Variants in CAPN12 observed in about 807,000 individuals in gnomAD.
CAPN12 encodes calpain 12.
In CAPN12, 107 loss-of-function variants were observed where a neutral mutation model predicts 95.0. The ratio of observed to expected loss-of-function variants is 1.13; its 90% CI spans 0.96 to 1.32. The LOEUF (loss-of-function observed/expected upper bound fraction) is 1.32, where lower values mean the gene tolerates loss of function less well. Ranked by LOEUF, CAPN12 falls within the 40% of genes most tolerant of loss-of-function variation. The pLI, the probability that CAPN12 is intolerant of heterozygous loss-of-function variation, is 0.00. For synonymous variants in CAPN12, 505 were observed against 415.5 expected (o/e 1.22, Z -2.62); for missense variants, 1,136 against 997.8 (o/e 1.14, Z -1.87).
chr19:38,743,206 G>T, intron 1 of CAPN12, 104 bp from the exon 2 acceptor site: 1 of 1,361,118 alleles, frequency 7.3e-7, no homozygotes, highest in Non-Finnish European at 1.0e-6. Flanking sequence ...GGAAGCCTGT[G>T]GGCAGGAGCA....
At position 38,743,107 on chromosome 19, in the gene CAPN12, G is replaced by C; in HGVS notation, c.238-5C>G. Reference sequence around the variant, plus strand: ...CTTCGGCTCAGCACAGAACTCCTGTGGGTGGTGGGGGATTCCAGGCCTCAG... The same window carrying C: ...CTTCGGCTCAGCACAGAACTCCTGTCGGTGGTGGGGGATTCCAGGCCTCAG... On this transcript the variant is annotated splice_region_variant and splice_polypyrimidine_tract_variant and intron_variant, in intron 1 of 20. Coordinates refer to ENST00000328867, the MANE Select transcript of CAPN12 (RefSeq NM_144691.4). 6.2e-7 allele frequency: 1 copy of C among 1,614,038 alleles called. No homozygotes were observed. Among genetic ancestry groups the C allele is most frequent in the Non-Finnish European group, 8.5e-7 (1 of 1,179,948 alleles).
chr19:38,738,627 T>G lies in CAPN12; in HGVS notation c.751A>C (p.Thr251Pro), dbSNP rs1332799757. ...TALSDRGEYR[T>P]EEGLVKGHAY... ...TGTCCCTTTACCAGGCCCTCTTCTG[T>G]GCGGTACTCACCCCGATCACTCTGG... The change falls in exon 6 of 21, where the codon ACA becomes CCA. Residue 251 changes from threonine to proline, a missense_variant. By Grantham distance (38) the Thr-to-Pro change is conservative. Coordinates refer to ENST00000328867, the MANE Select transcript of CAPN12 (RefSeq NM_144691.4). The G allele has an allele frequency of 2.5e-6, 4 of 1,613,838 alleles. No individual in the cohort carries two copies. In the Admixed American group the frequency reaches 6.7e-5, roughly 27 times the overall value.
In CAPN12 at chr19:38,730,728, G is replaced by A; in HGVS notation, c.*124C>T. The A allele has an allele frequency of 4.8e-6, 6 of 1,251,582 alleles. No individual in the cohort carries two copies. In the East Asian group the frequency reaches 1.5e-4, roughly 32 times the overall value. 77.5% of individuals were successfully genotyped at this position (1,251,582 alleles called of 1,614,324 possible). On this transcript the variant is annotated 3_prime_UTR_variant, in exon 21 of 21. Coordinates refer to ENST00000328867, the MANE Select transcript of CAPN12 (RefSeq NM_144691.4). ...TGGTCACCCGGCCGTGAGCAGTGAG[G>A]GCCAGAGACTAGCCCCAGACAGGTG...
At chr19:38,734,081 C>G (rs528745801) in intron 17 of CAPN12, 61 bp downstream of exon 17, 65 of 1,585,724 alleles carry the variant, frequency 4.1e-5, no homozygotes, top group Non-Finnish European at 5.4e-5. Context: ...CACAGGGTGC[C>G]TATGTCTCTG....
chr19:38,738,239 C>A (rs1440304791), intron 8 of CAPN12, 34 bp downstream of exon 8: 1 of 1,611,140 alleles, frequency 6.2e-7, no homozygotes, highest in Admixed American at 1.7e-5. Flanking sequence ...CAGAGACCCT[C>A]CCAGAGGCAG....
rs768835237 is a variant in CAPN12 at position 38,744,473 on chromosome 19, G to C, written c.-308C>G. The C allele has an allele frequency of 2.1e-6, 1 of 468,980 alleles. No individual in the cohort carries two copies. Among genetic ancestry groups the C allele is most frequent in the Non-Finnish European group, 3.9e-6 (1 of 254,754 alleles). 29.1% of individuals were successfully genotyped at this position (468,980 alleles called of 1,614,324 possible). On this transcript the variant is annotated 5_prime_UTR_variant, in exon 1 of 21. Transcript: ENST00000328867. ...TGTCAGAGCACCAAGAAGGAGGTCA[G>C]TGTGGGGGTGAGCTTCTGCCTACTT...
rs780480800 is a variant in CAPN12, at chr19:38,744,058, C to T, written c.108G>A (p.Arg36=). The change falls in exon 1 of 21, where the codon CGG becomes CGA. Residue 36 remains arginine (R), a synonymous_variant. Transcript: ENST00000328867. ...GGATCCCCGAATCCAGGCAGGCTGC[C>T]CGAATTGCCTCATAGCTCTGGCCCC... ...LFRGQSYEAI[R]AACLDSGILF... is the part of the protein sequence containing the mutation. The T allele has an allele frequency of 1.9e-6, 3 of 1,614,198 alleles. No individual in the cohort carries two copies. Among genetic ancestry groups the T allele is most frequent in the Admixed American group, 1.7e-5 (1 of 60,024 alleles).
rs1568794870 is a variant in CAPN12, at chr19:38,740,219, CCTGTGGGGG to C, written c.561-9_561-1del. 2 of 1,600,312 alleles carry C rather than the reference CCTGTGGGGG, an allele frequency of 1.2e-6. No homozygotes were observed. The highest frequency in any genetic ancestry group is 2.3e-5 in the East Asian group (1 of 44,146). ...GCATCACCTCATAGGAGCCGTGGAG[CCTGTGGGGG>C]CAGATCTGGGGTGAGGGTTGAGGCA... On this transcript the variant is annotated splice_acceptor_variant and splice_polypyrimidine_tract_variant and intron_variant, in intron 4 of 20. Coordinates refer to ENST00000328867, the MANE Select transcript of CAPN12 (RefSeq NM_144691.4). LOFTEE classifies it high-confidence loss of function.
chr19:38,740,094 C>A lies in CAPN12; in HGVS notation c.686G>T (p.Arg229Leu). The change falls in exon 5 of 21, where the codon CGC becomes CTC. Residue 229 changes from arginine to leucine, a missense_variant. Coordinates refer to ENST00000328867, the MANE Select transcript of CAPN12 (RefSeq NM_144691.4). ...QNSMGLFSAL[R>L]HALAKESLVG... ...GAGGGACTCCTTGGCCAGGGCATGG[C>A]GCAGGGCAGAGAACAGCCCCATGCT... 1 of 1,611,886 alleles carries A rather than the reference C, an allele frequency of 6.2e-7. No individual in the cohort carries two copies. Among genetic ancestry groups the A allele is most frequent in the South Asian group, 1.1e-5 (1 of 90,848 alleles).
rs906099398 is a variant in CAPN12 at position 38,730,959 on chromosome 19, G to T, written c.2133+6C>A. 9 of 1,550,486 alleles carry T rather than the reference G, an allele frequency of 5.8e-6. No homozygotes were observed. In the African/African-American group the frequency reaches 1.2e-4, roughly 21 times the overall value. ...TGAGCCACCCTGTCCCTCCCACCTG[G>T]CTCACCTGTCTGTGGGTCAGGCAGA... On this transcript the variant is annotated splice_donor_region_variant and intron_variant, in intron 20 of 20. Coordinates refer to ENST00000328867, the MANE Select transcript of CAPN12 (RefSeq NM_144691.4).
intron 14 of CAPN12, chr19:38,735,167 G>A: frequency 4.9e-6 from 3 of 611,530 alleles, no homozygotes; most frequent in East Asian, 2.8e-5. Flanking sequence ...GGAGAGGGTG[G>A]TCCTGGGAGA....
In CAPN12 at chr19:38,737,337, T is replaced by C; in HGVS notation, c.1181A>G (p.Glu394Gly). Residue 394 changes from glutamate (E) to glycine (G), a missense_variant, in exon 10 of 21, where the codon GAG becomes GGG. Transcript: ENST00000328867. ...CCCTTCCTCATCCTCGTCATCCTCC[T>C]CATCAGGCTCCAGCAGCGTTAAACG... ...QFRLTLLEPDEEDDEDEEGPW... is the reference protein window; with the variant it reads ...QFRLTLLEPDGEDDEDEEGPW... 1 of 1,439,330 alleles carries C rather than the reference T, an allele frequency of 6.9e-7. No homozygotes were observed. The highest frequency in any genetic ancestry group is 9.2e-7 in the Non-Finnish European group (1 of 1,083,964). The allele number at this position is 1,439,330 out of a possible 1,614,324, so 89.2% of individuals were successfully genotyped here. A position where few individuals can be genotyped will look rare whatever the true frequency, so the allele number is the denominator to read the frequency against.
Position 38,741,893 on chromosome 19 carries a change from G to T in CAPN12, c.444C>A (p.Arg148=). The T allele has an allele frequency of 6.2e-7, 1 of 1,614,000 alleles. No homozygotes were observed. ...VFHFQLWQFG[R]WMDVVVDDRL... ...TGTCATCCACCACGACGTCCATCCA[G>T]CGGCCAAACTGCCAGAGCTGGTGGG... The change falls in exon 4 of 21, where the codon CGC becomes CGA. Residue 148 remains arginine (R), a synonymous_variant. Coordinates refer to ENST00000328867, the MANE Select transcript of CAPN12 (RefSeq NM_144691.4).
Position 38,744,060 on chromosome 19 carries a change from G to A in CAPN12, c.106C>T (p.Arg36Trp), listed in dbSNP as rs774747497. 138 of 1,614,080 alleles carry A rather than the reference G, an allele frequency of 8.5e-5. No individual in the cohort carries two copies. The highest frequency in any genetic ancestry group is 3.3e-4 in the Middle Eastern group (2 of 6,084). The part of the protein sequence containing the change: ...LFRGQSYEAI[R>W]AACLDSGILF... ...ATCCCCGAATCCAGGCAGGCTGCCC[G>A]AATTGCCTCATAGCTCTGGCCCCGA... Residue 36 changes from arginine to tryptophan, a missense_variant, in exon 1 of 21, where the codon CGG (arginine) becomes TGG (tryptophan). Physicochemically the swap from Arg to Trp is moderately radical, Grantham distance 101. Coordinates refer to ENST00000328867, the MANE Select transcript of CAPN12 (RefSeq NM_144691.4).
In CAPN12 at chr19:38,736,116, G is replaced by T. The variant is rs1377248863; in HGVS notation, c.1577C>A (p.Thr526Lys). The T allele has an allele frequency of 1.3e-6, 2 of 1,502,084 alleles. No individual in the cohort carries two copies. The highest frequency in any genetic ancestry group is 2.1e-5 in the Admixed American group (1 of 46,792). 93.0% of individuals were successfully genotyped at this position (1,502,084 alleles called of 1,614,324 possible). A position where few individuals can be genotyped will look rare whatever the true frequency, so the allele number is the denominator to read the frequency against. Residue 526 changes from threonine (T) to lysine (K), a missense_variant, in exon 12 of 21, where the codon ACG becomes AAG. Physicochemically the swap from Thr to Lys is moderately conservative, Grantham distance 78 (BLOSUM62 -1). Coordinates refer to ENST00000328867, the MANE Select transcript of CAPN12 (RefSeq NM_144691.4). ...TLRVFSERRH[T>K]AVEIDDVISA... ...TTGGGTGCCCGGGGCTCACACGGCC[G>T]TGTGGCGGCGCTCGGAGAAGACACG...
intron 14 of CAPN12, 177 bp downstream of exon 14, chr19:38,735,193 C>T: frequency 1.5e-6 from 1 of 658,160 alleles, no homozygotes; most frequent in South Asian, 2.0e-5. Context: ...TGGACTGAGC[C>T]CAAGGCCCTG....
intron 14 of CAPN12, 59 bp downstream of exon 14, chr19:38,735,311 G>A (rs548358485): frequency 1.7e-5 from 25 of 1,489,548 alleles, no homozygotes; most frequent in African/African-American, 9.8e-5. Flanking sequence ...GTGGGGGAAG[G>A]GGGGTCCCCA....
At chr19:38,732,160 C>T (rs1599880897) in intron 18 of CAPN12, among the ~76,000 whole-genome samples, 1 of 151,830 alleles carries the variant, frequency 6.6e-6, no homozygotes, top group East Asian at 1.9e-4. Context: ...ATGTAACAGG[C>T]ACTCACTGGT....
chr19:38,742,584 G>T, intron 2 of CAPN12, 56 bp from the exon 3 acceptor site: 1 of 1,254,154 alleles, frequency 8.0e-7, no homozygotes, highest in Non-Finnish European at 1.1e-6. Flanking sequence ...CTGGTGCGGT[G>T]GCTCATGCCT....
Sources: gnomAD v4.1 joint callset for allele counts (sites outside exome capture counted in the v4.1 genomes callset) on GRCh38, gnomAD v4.1.1 for gene constraint, MANE v1.5 for transcripts, NCBI Gene and HGNC (gene_info 2026-07-23, HGNC 2026-07-21) for gene names.